KIF5C: variants seen among roughly 807,000 people sequenced by gnomAD.
KIF5C encodes kinesin family member 5C.
A neutral mutation model predicts 125.2 loss-of-function variants in KIF5C; 18 were observed. That is an observed-to-expected ratio of 0.14 (90% CI 0.10 to 0.21). The LOEUF (loss-of-function observed/expected upper bound fraction) is 0.21. KIF5C is among the 10% of genes least tolerant of loss of function. The probability of loss-of-function intolerance (pLI) is 1.00; values close to 1 mark genes in which losing one functional copy is unlikely to be tolerated. For missense variants in KIF5C, 780 were observed against 1,183.8 expected, an observed-to-expected ratio of 0.66 and a Z score of 5.01; for synonymous variants, 405 against 434.0, an observed-to-expected ratio of 0.93 and a Z score of 0.83.
At chr2:148,920,577 A>C (rs920866160) in intron 1 of KIF5C, among the ~76,000 whole-genome samples, 11 of 152,356 alleles carry the variant, frequency 7.2e-5, no homozygotes, top group African/African-American at 2.6e-4. Context: ...ATTTTATAGT[A>C]ACTGAAAATT....
At chr2:148,930,440 A>G (rs1682151752) in intron 3 of KIF5C, among the ~76,000 whole-genome samples, 1 of 152,016 alleles carries the variant, frequency 6.6e-6, no homozygotes, top group Admixed American at 6.5e-5. Flanking sequence ...CGTGGTTATT[A>G]TAAGAAACTG....
At position 148,875,541 on chromosome 2, in the gene KIF5C, C is replaced by A; in HGVS notation, c.-77C>A. The A allele has an allele frequency of 1.6e-6, 2 of 1,250,838 alleles. No individual in the cohort carries two copies. The highest frequency in any genetic ancestry group is 1.3e-5 in the South Asian group (1 of 75,852). 77.5% of individuals were successfully genotyped at this position (1,250,838 alleles called of 1,614,324 possible). A position where few individuals can be genotyped will look rare whatever the true frequency, so the allele number is the denominator to read the frequency against. ...GGCGGCCTAGCTGTGGGCGGTGCAG[C>A]TCGCGGCCTCCTCCCTCGTCGTTCC... On this transcript the variant is annotated 5_prime_UTR_variant, in exon 1 of 26. Transcript: ENST00000435030.
intron 1 of KIF5C, among the ~76,000 whole-genome samples, chr2:148,921,798 AT>A (rs5835212): frequency 0.14 from 20,955 of 150,330 alleles, 2,280 homozygotes; most frequent in African/African-American, 0.3. Context: ...CTGTTTTGTG[AT>A]TTTTTTTTTC....
At chr2:149,016,715 T>C (rs1412202763) in intron 25 of KIF5C, among the ~76,000 whole-genome samples, 1 of 152,166 alleles carries the variant, frequency 6.6e-6, no homozygotes, top group African/African-American at 2.4e-5. Flanking sequence ...AACAGGTGGC[T>C]GGATCCGTGG....
At chr2:148,915,205 T>C (rs1416596079) in intron 1 of KIF5C, among the ~76,000 whole-genome samples, 1 of 152,032 alleles carries the variant, frequency 6.6e-6, no homozygotes, top group African/African-American at 2.4e-5. Context: ...ACTGGAGAAA[T>C]ACAGTGTGCG....
At chr2:148,883,495 T>C (rs1202762530) in intron 1 of KIF5C, 1 of 151,528 alleles carries the variant, frequency 6.6e-6, no homozygotes, top group Non-Finnish European at 1.5e-5. Context: ...AACGAGACTC[T>C]GTCTCAAAAA....
chr2:148,990,735 C>T lies in KIF5C; in HGVS notation c.1717-275C>T, dbSNP rs1331749106. Among the ~76,000 whole-genome samples the T allele has an allele frequency of 7.2e-5, 11 of 152,230 alleles. 1 individual carries two copies. The South Asian group carries it at 1.0e-3, about 14-fold the overall frequency. On this transcript the variant is annotated intron_variant, in intron 15 of 25. Transcript: ENST00000435030. ...CTCCTTTTAAAAATCTTCAGTGTTT[C>T]TTCTTATGCTGTCATTTCTCTTTCT...
chr2:149,010,078 G>GC, intron 23 of KIF5C, 57 bp from the exon 24 acceptor site: 1 of 1,496,868 alleles, frequency 6.7e-7, no homozygotes, highest in Non-Finnish European at 8.9e-7. Context: ...GGCTGCTCTG[G>GC]TTTGTGCAAT....
At chr2:148,875,850 G>A in intron 1 of KIF5C, 107 bp downstream of exon 1, 4 of 1,453,538 alleles carry the variant, frequency 2.8e-6, no homozygotes, top group Non-Finnish European at 3.7e-6. Flanking sequence ...GGACATTCCC[G>A]CGGGGCTGGC....
chr2:149,015,065 T>C (rs982251958), intron 25 of KIF5C, among the ~76,000 whole-genome samples: 1 of 152,162 alleles, frequency 6.6e-6, no homozygotes, highest in African/African-American at 2.4e-5. Context: ...CATGCACACC[T>C]GTAACCCTAG....
intron 10 of KIF5C, among the ~76,000 whole-genome samples, chr2:148,960,159 G>C (rs1682892063): frequency 6.6e-6 from 1 of 152,210 alleles, no homozygotes; most frequent in South Asian, 2.1e-4. Context: ...ATGAGGACCA[G>C]TTACACCAAT....
intron 19 of KIF5C, 55 bp from the exon 20 acceptor site, chr2:149,000,368 T>C: frequency 6.5e-7 from 1 of 1,533,524 alleles, no homozygotes. Flanking sequence ...TTTAGCCTGA[T>C]GACTCAGAAT....
In KIF5C at chr2:149,023,606, C is replaced by T. The variant is rs1188574523; in HGVS notation, c.*536C>T. On this transcript the variant is annotated 3_prime_UTR_variant, in exon 26 of 26. Coordinates refer to ENST00000435030, the MANE Select transcript of KIF5C (RefSeq NM_004522.3). ...ACCCCAAAGACACATTTTGAATATCCTGGTCACATCTTTGGATCTGTAAAA... is the reference window on the plus strand; with the variant it reads ...ACCCCAAAGACACATTTTGAATATCTTGGTCACATCTTTGGATCTGTAAAA... 6.6e-6 allele frequency: 1 copy of T among 152,628 alleles called. No homozygotes were observed. The highest frequency in any genetic ancestry group is 2.4e-5 in the African/African-American group (1 of 41,460). The allele number at this position is 152,628 out of a possible 1,614,324, so 9.5% of individuals were successfully genotyped here.
In KIF5C at chr2:149,000,732, G is replaced by A. The variant is rs768203756; in HGVS notation, c.2323G>A (p.Asp775Asn). 8.7e-6 allele frequency: 14 copies of A among 1,613,778 alleles called. No individual in the cohort carries two copies. The African/African-American group carries it at 1.1e-4, about 12-fold the overall frequency. ...CTTTTTGTTTTTCAGATTGCTCAAC[G>A]ATAAAAGGGAACAAGCCAGAGAAGA... ...MKLEKLLLLN[D>N]KREQAREDLK... The change falls in exon 21 of 26, where the codon GAT (aspartate) becomes AAT (asparagine). Residue 775 changes from aspartate to asparagine, a missense_variant. Asp to Asn is a conservative substitution (Grantham distance 23). This residue lies in a region of KIF5C where 573 missense variants were observed against 742.6 expected (regional missense o/e 0.77). Coordinates refer to ENST00000435030, the MANE Select transcript of KIF5C (RefSeq NM_004522.3).
chr2:148,875,573 C>G lies in KIF5C; in HGVS notation c.-45C>G, dbSNP rs776376482. On this transcript the variant is annotated 5_prime_UTR_variant, in exon 1 of 26. Transcript: ENST00000435030. Reference sequence around the variant, plus strand: ...CCTCCTCCCTCGTCGTTCCCGGCCCCGGCCCCCCACCCATCCCCGTGCCCC... The same window carrying G: ...CCTCCTCCCTCGTCGTTCCCGGCCCGGGCCCCCCACCCATCCCCGTGCCCC... The G allele has an allele frequency of 3.3e-5, 24 of 723,800 alleles. No homozygotes were observed. Among genetic ancestry groups the G allele is most frequent in the African/African-American group, 1.9e-4 (11 of 56,428 alleles). 44.8% of individuals were successfully genotyped at this position (723,800 alleles called of 1,614,324 possible).
chr2:148,916,051 G>T (rs1465012209), intron 1 of KIF5C, among the ~76,000 whole-genome samples: 1 of 152,226 alleles, frequency 6.6e-6, no homozygotes, highest in East Asian at 1.9e-4. Flanking sequence ...AGCCAGAAAA[G>T]CCTTCAGGTA....
chr2:148,979,101 C>CA, intron 13 of KIF5C, 111 bp downstream of exon 13: 6 of 1,304,446 alleles, frequency 4.6e-6, no homozygotes, highest in Non-Finnish European at 5.9e-6. Context: ...ATTACAGAAT[C>CA]ATGTGGAAAT....
chr2:148,978,892 CA>C (rs749432942), intron 12 of KIF5C, 29 bp from the exon 13 acceptor site: 5 of 1,567,124 alleles, frequency 3.2e-6, no homozygotes, highest in East Asian at 2.3e-5. Flanking sequence ...CATAACTAAC[CA>C]AAAAAACAAA....
chr2:148,996,615 G>A (rs1038777007), intron 17 of KIF5C, among the ~76,000 whole-genome samples: 1 of 152,196 alleles, frequency 6.6e-6, no homozygotes, highest in African/African-American at 2.4e-5. Flanking sequence ...ATTGCACCTG[G>A]CTGGCATTTA....
Sources: allele counts gnomAD v4.1 joint callset (sites outside exome capture counted in the v4.1 genomes callset), GRCh38; gene constraint gnomAD v4.1.1; regional missense constraint gnomAD v4.1.1; transcripts MANE v1.5; gene names NCBI Gene and HGNC (gene_info 2026-07-23, HGNC 2026-07-21).